PLCB1: variants seen among roughly 807,000 people sequenced by gnomAD.
PLCB1 encodes the protein 1-phosphatidylinositol 4,5-bisphosphate phosphodiesterase beta-1.
In PLCB1, 46 loss-of-function variants were observed where a neutral mutation model predicts 161.8. That is an observed-to-expected ratio of 0.28 (90% CI 0.22 to 0.36). PLCB1 has a LOEUF of 0.36. Ranked by LOEUF, PLCB1 falls within the 10% of genes least tolerant of loss-of-function variation. The pLI is 1.00. For missense variants in PLCB1, 1,016 were observed against 1,472.5 expected (o/e 0.69, Z 5.07); for synonymous variants, 517 against 503.7 (o/e 1.03, Z -0.35).
intron 31 of PLCB1, among the ~76,000 whole-genome samples, chr20:8,854,278 C>G (rs574904229): frequency 6.6e-6 from 1 of 152,162 alleles, no homozygotes; most frequent in East Asian, 1.9e-4. Context: ...TTTTTTTTAG[C>G]ACTGCCTAGA....
intron 2 of PLCB1, among the ~76,000 whole-genome samples, chr20:8,243,839 A>T (rs1467528539): frequency 6.6e-6 from 1 of 151,948 alleles, no homozygotes; most frequent in East Asian, 1.9e-4. Flanking sequence ...ATACCACCAA[A>T]GTGGTGTGCT....
chr20:8,517,074 A>G (rs921573577), intron 3 of PLCB1, among the ~76,000 whole-genome samples: 1 of 151,980 alleles, frequency 6.6e-6, no homozygotes, highest in East Asian at 1.9e-4. Context: ...ATTCACCACA[A>G]TAGAGGGGTT....
intron 3 of PLCB1, among the ~76,000 whole-genome samples, chr20:8,395,728 A>G (rs1211081414): frequency 6.6e-6 from 1 of 151,954 alleles, no homozygotes; most frequent in African/African-American, 2.4e-5. Flanking sequence ...GTTTGAGTTG[A>G]GAATTCTTAA....
chr20:8,823,547 G>A (rs959665813), intron 31 of PLCB1, among the ~76,000 whole-genome samples: 5 of 152,158 alleles, frequency 3.3e-5, no homozygotes, highest in African/African-American at 9.7e-5. Context: ...ATTATATTAG[G>A]TTGCTAATCA....
At chr20:8,605,154 T>A (rs963389364) in intron 3 of PLCB1, among the ~76,000 whole-genome samples, 2 of 152,114 alleles carry the variant, frequency 1.3e-5, no homozygotes, top group Non-Finnish European at 2.9e-5. Context: ...TCCCTTACTC[T>A]CAGAACTGAG....
rs997375209 is a variant in PLCB1, at chr20:8,334,458, C to T, written c.178-36924C>T. On this transcript the variant is annotated intron_variant, in intron 2 of 31. Coordinates refer to ENST00000338037, the MANE Select transcript of PLCB1 (RefSeq NM_015192.4). ...AATATTCTTTTCCTTCCCCGGACTT[C>T]ATAAATGTGACAAAAATAACTTGTT... Among the ~76,000 whole-genome samples the T allele has an allele frequency of 3.3e-5, 5 of 152,292 alleles. No individual in the cohort carries two copies. In the South Asian group the frequency reaches 8.3e-4, roughly 25 times the overall value.
intron 2 of PLCB1, among the ~76,000 whole-genome samples, chr20:8,270,442 C>T (rs1181546920): frequency 1.3e-5 from 2 of 152,090 alleles, no homozygotes; most frequent in Non-Finnish European, 2.9e-5. Flanking sequence ...TGTTATGTAA[C>T]ATGGGCATGT....
At chr20:8,870,544 A>G (rs1987575801) in intron 31 of PLCB1, among the ~76,000 whole-genome samples, 1 of 152,218 alleles carries the variant, frequency 6.6e-6, no homozygotes, top group Admixed American at 6.5e-5. Flanking sequence ...CTATGTCAGA[A>G]TGCATTTGGC....
At chr20:8,746,175 A>C (rs926653976) in intron 23 of PLCB1, among the ~76,000 whole-genome samples, 4 of 152,042 alleles carry the variant, frequency 2.6e-5, no homozygotes, top group Admixed American at 2.6e-4. Context: ...CAGGTGATCC[A>C]CCTGCCTTGG....
chr20:8,335,849 T>G (rs1985554305), intron 2 of PLCB1, among the ~76,000 whole-genome samples: 3 of 152,222 alleles, frequency 2.0e-5, no homozygotes, highest in Admixed American at 2.0e-4. Flanking sequence ...TAAAATGGCA[T>G]TTTTAAATGA....
chr20:8,806,372 A>G (rs1984538124), intron 31 of PLCB1, among the ~76,000 whole-genome samples: 2 of 152,082 alleles, frequency 1.3e-5, no homozygotes, highest in South Asian at 4.1e-4. Flanking sequence ...TTCCCTGTCT[A>G]TGGCTGCTGA....
intron 31 of PLCB1, among the ~76,000 whole-genome samples, chr20:8,862,927 A>G (rs906679438): frequency 1.3e-5 from 2 of 152,206 alleles, no homozygotes; most frequent in Non-Finnish European, 2.9e-5. Context: ...AAGGGAGGGT[A>G]GCAATTAAAA....
chr20:8,295,500 C>G (rs1421241930), intron 2 of PLCB1, among the ~76,000 whole-genome samples: 4 of 152,028 alleles, frequency 2.6e-5, no homozygotes, highest in Non-Finnish European at 5.9e-5. Context: ...ATGTTTACAT[C>G]TTGCCTTAAA....
chr20:8,817,107 C>T (rs6056150), intron 31 of PLCB1, among the ~76,000 whole-genome samples: 4,033 of 152,188 alleles, frequency 0.027, 169 homozygotes, highest in African/African-American at 0.093. Flanking sequence ...TAGAAAATGC[C>T]GCATCTGTTG....
At chr20:8,191,326 G>A (rs899390603) in intron 2 of PLCB1, among the ~76,000 whole-genome samples, 1 of 151,894 alleles carries the variant, frequency 6.6e-6, no homozygotes, top group Non-Finnish European at 1.5e-5. Flanking sequence ...TCAAGACAAT[G>A]AACAACTATA....
chr20:8,714,438 T>A (rs1979191974), intron 12 of PLCB1, among the ~76,000 whole-genome samples: 1 of 152,112 alleles, frequency 6.6e-6, no homozygotes, highest in Non-Finnish European at 1.5e-5. Context: ...GTGCAAGTTA[T>A]CACTGGAGGA....
chr20:8,644,923 G>A (rs982104407), intron 4 of PLCB1, among the ~76,000 whole-genome samples: 1 of 152,212 alleles, frequency 6.6e-6, no homozygotes, highest in African/African-American at 2.4e-5. Context: ...AAATCAGATG[G>A]TTGCCCTGTC....
chr20:8,207,383 C>A (rs1978589395), intron 2 of PLCB1, among the ~76,000 whole-genome samples: 1 of 152,102 alleles, frequency 6.6e-6, no homozygotes, highest in East Asian at 1.9e-4. Context: ...AGGAAAAGTG[C>A]TGTTATAAAT....
intron 3 of PLCB1, among the ~76,000 whole-genome samples, chr20:8,408,114 TTGAC>T (rs1353970341): frequency 2.0e-5 from 3 of 152,166 alleles, no homozygotes; most frequent in Non-Finnish European, 2.9e-5. Context: ...TATTGGTTGA[TTGAC>T]TGTGACAAAT....
Sources: allele counts gnomAD v4.1 joint callset (sites outside exome capture counted in the v4.1 genomes callset), GRCh38; gene constraint gnomAD v4.1.1; transcripts MANE v1.5; gene names NCBI Gene and HGNC (gene_info 2026-07-23, HGNC 2026-07-21).